Variants in GPC6 observed in about 807,000 individuals in gnomAD.
GPC6 encodes glypican-6.
GPC6 carries 14 observed loss-of-function variants against 55.2 expected under a neutral mutation model. The ratio of observed to expected loss-of-function variants is 0.25; its 90% CI spans 0.17 to 0.40. The LOEUF (loss-of-function observed/expected upper bound fraction) is 0.40. Among genes scored for constraint, GPC6 ranks in the 10% least tolerant of loss-of-function variants. The pLI, the probability that GPC6 is intolerant of heterozygous loss-of-function variation, is 1.00. For missense variants in GPC6, 641 were observed against 708.5 expected (o/e 0.90, Z 1.08); for synonymous variants, 278 against 259.6 (o/e 1.07, Z -0.68).
intron 3 of GPC6, among the ~76,000 whole-genome samples, chr13:93,862,846 G>A (rs1888856932): frequency 6.6e-6 from 1 of 151,462 alleles, no homozygotes; most frequent in Non-Finnish European, 1.5e-5. Context: ...TGTGCCATTT[G>A]TTTTATCATT....
At chr13:93,360,664 C>G (rs1222700671) in intron 1 of GPC6, among the ~76,000 whole-genome samples, 2 of 152,192 alleles carry the variant, frequency 1.3e-5, no homozygotes, top group Non-Finnish European at 2.9e-5. Context: ...ATCCCCCACC[C>G]TTACTGGTAG....
In GPC6 at chr13:93,582,543, C is replaced by G. The variant is rs79692795; in HGVS notation, c.319+37122C>G. Reference sequence around the variant, plus strand: ...AAGGCTACAATGTAGATTATTAACCCCATTTCATAGGAGGGACATAATCTC... The same window carrying G: ...AAGGCTACAATGTAGATTATTAACCGCATTTCATAGGAGGGACATAATCTC... On this transcript the variant is annotated intron_variant, in intron 2 of 8. Coordinates refer to ENST00000377047, the MANE Select transcript of GPC6 (RefSeq NM_005708.5). Among the ~76,000 whole-genome samples, 426 of 152,232 alleles carry G rather than the reference C, an allele frequency of 2.8e-3. 5 individuals carry two copies. Among genetic ancestry groups the G allele is most frequent in the African/African-American group, 1.0e-2 (414 of 41,544 alleles).
At chr13:94,282,784 T>C (rs1331296239) in intron 4 of GPC6, among the ~76,000 whole-genome samples, 5 of 152,208 alleles carry the variant, frequency 3.3e-5, no homozygotes, top group Non-Finnish European at 7.4e-5. Context: ...TAGATTCTTG[T>C]AAGAGACAGA....
intron 2 of GPC6, among the ~76,000 whole-genome samples, chr13:93,746,558 C>T (rs1884407671): frequency 6.6e-6 from 1 of 152,114 alleles, no homozygotes; most frequent in South Asian, 2.1e-4. Flanking sequence ...ACAGGAAAAC[C>T]TAGATGAAAT....
chr13:93,554,322 ACAACCTATAGGATTTTGACT>A (rs368805092), intron 2 of GPC6, among the ~76,000 whole-genome samples: 34 of 152,296 alleles, frequency 2.2e-4, no homozygotes, highest in African/African-American at 7.5e-4. Context: ...AAACCTGAAC[ACAACCTATAGGATTTTGACT>A]CAATTCCAGG....
intron 2 of GPC6, among the ~76,000 whole-genome samples, chr13:93,709,789 TTGGATG>T (rs1201977289): frequency 6.6e-6 from 1 of 151,762 alleles, no homozygotes; most frequent in Admixed American, 6.6e-5. Flanking sequence ...CAGGCCTATT[TTGGATG>T]TGGTTCTCTT....
At chr13:94,234,427 A>G (rs1594083405) in intron 4 of GPC6, among the ~76,000 whole-genome samples, 1 of 151,960 alleles carries the variant, frequency 6.6e-6, no homozygotes, top group Non-Finnish European at 1.5e-5. Context: ...TCTTTTCTAC[A>G]TGTAATACTG....
At chr13:94,120,843 TAGAC>T (rs1886607056) in intron 4 of GPC6, among the ~76,000 whole-genome samples, 2 of 152,110 alleles carry the variant, frequency 1.3e-5, no homozygotes, top group South Asian at 2.1e-4. Context: ...TTAAATAAGA[TAGAC>T]AGCCATCTAG....
At chr13:93,490,392 A>G (rs910617601) in intron 1 of GPC6, among the ~76,000 whole-genome samples, 1 of 147,648 alleles carries the variant, frequency 6.8e-6, no homozygotes, top group Non-Finnish European at 1.5e-5. Flanking sequence ...TATAACATAT[A>G]TATGATGTAC....
intron 4 of GPC6, among the ~76,000 whole-genome samples, chr13:94,261,182 G>T (rs769051282): frequency 1.6e-4 from 24 of 152,130 alleles, no homozygotes; most frequent in Non-Finnish European, 2.9e-4. Flanking sequence ...GGCTGAGGCA[G>T]AAGAATCACT....
At chr13:94,379,061 A>G (rs917161838) in intron 6 of GPC6, among the ~76,000 whole-genome samples, 1 of 152,008 alleles carries the variant, frequency 6.6e-6, no homozygotes, top group Non-Finnish European at 1.5e-5. Context: ...AAAAAAAACC[A>G]AAAAAACAAA....
At chr13:93,629,098 A>C (rs1448498833) in intron 2 of GPC6, among the ~76,000 whole-genome samples, 1 of 151,906 alleles carries the variant, frequency 6.6e-6, no homozygotes, top group East Asian at 1.9e-4. Flanking sequence ...CCAAGAATCC[A>C]TTTACTTCAA....
At chr13:93,847,602 G>C (rs180848977) in intron 3 of GPC6, among the ~76,000 whole-genome samples, 2 of 151,980 alleles carry the variant, frequency 1.3e-5, no homozygotes, top group African/African-American at 4.8e-5. Context: ...TATTACTTGG[G>C]TGCATACGGT....
At chr13:94,067,977 C>T (rs1458806997) in intron 4 of GPC6, among the ~76,000 whole-genome samples, 5 of 152,120 alleles carry the variant, frequency 3.3e-5, no homozygotes, top group Admixed American at 3.3e-4. Flanking sequence ...TCAGTGGTGG[C>T]ACTTCATGAA....
intron 1 of GPC6, among the ~76,000 whole-genome samples, chr13:93,394,632 C>A (rs1875774365): frequency 6.6e-6 from 1 of 152,068 alleles, no homozygotes; most frequent in South Asian, 2.1e-4. Flanking sequence ...CTCCATTTTA[C>A]AGATACAGGA....
At chr13:94,226,390 T>C (rs953005134) in intron 4 of GPC6, among the ~76,000 whole-genome samples, 1 of 152,090 alleles carries the variant, frequency 6.6e-6, no homozygotes, top group Non-Finnish European at 1.5e-5. Flanking sequence ...GCTAACAATG[T>C]TGTGTTTTTC....
At chr13:93,370,669 C>T (rs1477426488) in intron 1 of GPC6, among the ~76,000 whole-genome samples, 1 of 152,102 alleles carries the variant, frequency 6.6e-6, no homozygotes, top group African/African-American at 2.4e-5. Context: ...ATTGGGTGAG[C>T]ATCCATGTAG....
At chr13:93,588,842 G>C (rs919651266) in intron 2 of GPC6, among the ~76,000 whole-genome samples, 1 of 152,134 alleles carries the variant, frequency 6.6e-6, no homozygotes, top group Admixed American at 6.6e-5. Flanking sequence ...GGAGGGACAA[G>C]TATCCAAAGT....
chr13:94,090,609 G>A (rs1885445693), intron 4 of GPC6, among the ~76,000 whole-genome samples: 1 of 152,004 alleles, frequency 6.6e-6, no homozygotes, highest in Non-Finnish European at 1.5e-5. Flanking sequence ...CTGTTCTTTT[G>A]TATAAACTTG....
Sources: gnomAD v4.1 joint callset for allele counts (sites outside exome capture counted in the v4.1 genomes callset) on GRCh38, gnomAD v4.1.1 for gene constraint, MANE v1.5 for transcripts, NCBI Gene and HGNC (gene_info 2026-07-23, HGNC 2026-07-21) for gene names.